TMEM255B: variants seen among roughly 807,000 people sequenced by gnomAD.
TMEM255B encodes family with sequence similarity 70, member B.
Under a neutral mutation model 34.5 loss-of-function variants are expected in TMEM255B, and 35 were observed. The ratio of observed to expected loss-of-function variants is 1.01; its 90% confidence interval spans 0.77 to 1.34. The LOEUF is 1.34. Among genes scored for constraint, TMEM255B ranks in the 40% most tolerant of loss-of-function variants. The pLI, the probability that TMEM255B is intolerant of heterozygous loss-of-function variation, is 0.00. For synonymous variants in TMEM255B, 206 were observed against 201.2 expected (o/e 1.02, Z -0.20); for missense variants, 432 against 433.2 (o/e 1.00, Z 0.02).
chr13:113,808,795 G>GGGT (rs1555302343), intron 8 of TMEM255B, among the ~76,000 whole-genome samples: 5 of 108,616 alleles, frequency 4.6e-5, no homozygotes, highest in East Asian at 2.9e-4. Context: ...TGGTTCCTGG[G>GGGT]GGGGGGGTTA....
intron 1 of TMEM255B, among the ~76,000 whole-genome samples, chr13:113,760,893 T>G (rs1455554754): frequency 3.3e-5 from 4 of 122,834 alleles, no homozygotes; most frequent in African/African-American, 9.3e-5. Context: ...TCTGCTTTGG[T>G]GTGTCTGGGG....
At chr13:113,773,858 T>G (rs182267826) in intron 3 of TMEM255B, among the ~76,000 whole-genome samples, 286 of 152,338 alleles carry the variant, frequency 1.9e-3, no homozygotes, top group Non-Finnish European at 3.5e-3. Context: ...AAAGCGGTGG[T>G]CATTGTTATA....
At chr13:113,774,277 G>A (rs1043398979) in intron 3 of TMEM255B, among the ~76,000 whole-genome samples, 7 of 152,222 alleles carry the variant, frequency 4.6e-5, no homozygotes, top group African/African-American at 1.2e-4. Context: ...GTTAGTCTCC[G>A]GTGACATCTG....
chr13:113,791,188 A>G (rs2050826934), intron 3 of TMEM255B, among the ~76,000 whole-genome samples: 1 of 152,178 alleles, frequency 6.6e-6, no homozygotes. Context: ...TCCTGGCTCC[A>G]TGGCATTCAT....
intron 2 of TMEM255B, chr13:113,768,132 C>T (rs915933434): frequency 2.0e-5 from 9 of 456,962 alleles, no homozygotes; most frequent in Admixed American, 7.1e-5. Flanking sequence ...CTGTGCCGGG[C>T]GGGCCACCCC....
intron 7 of TMEM255B, 34 bp from the exon 8 acceptor site, chr13:113,804,851 T>C (rs1251576797): frequency 1.3e-6 from 2 of 1,573,136 alleles, no homozygotes; most frequent in South Asian, 2.3e-5. Flanking sequence ...CACTAGGGGG[T>C]ACACGCCGAC....
rs1477568467 is a variant in TMEM255B at position 113,815,210 on chromosome 13, C to G, written c.*3307C>G. 1 of 152,188 alleles carries G rather than the reference C, an allele frequency of 6.6e-6. No individual in the cohort carries two copies. The highest frequency in any genetic ancestry group is 1.5e-5 in the Non-Finnish European group (1 of 68,140). The allele number at this position is 152,188 out of a possible 1,614,324, so 9.4% of individuals were successfully genotyped here. Reference sequence around the variant, plus strand: ...CTACTGAGTGGGGGAGGGACACAGTCCGTCCACATGGGGCCAACGGCCACA... The same window carrying G: ...CTACTGAGTGGGGGAGGGACACAGTGCGTCCACATGGGGCCAACGGCCACA... On this transcript the variant is annotated 3_prime_UTR_variant, in exon 9 of 9. Coordinates refer to ENST00000375353, the MANE Select transcript of TMEM255B (RefSeq NM_182614.4).
chr13:113,764,687 C>T (rs557171242), intron 1 of TMEM255B, among the ~76,000 whole-genome samples: 2 of 152,366 alleles, frequency 1.3e-5, no homozygotes, highest in East Asian at 3.9e-4. Context: ...CTCTGCCTCT[C>T]ACATGCGAGG....
rs114240044 is a variant in TMEM255B, at chr13:113,775,902, G to A, written c.252+6742G>A. Among the ~76,000 whole-genome samples, 1,037 of 152,342 alleles carry A rather than the reference G, an allele frequency of 6.8e-3. 11 individuals carry two copies. The highest frequency in any genetic ancestry group is 0.023 in the African/African-American group (977 of 41,586). On this transcript the variant is annotated intron_variant, in intron 3 of 8. Coordinates refer to ENST00000375353, the MANE Select transcript of TMEM255B (RefSeq NM_182614.4). ...CGCCCAGGGACCATGGGACCCCTGC[G>A]GCCCCACAGGTGGCTTGAGTCAGAC...
chr13:113,786,935 G>A (rs571973458), intron 3 of TMEM255B, among the ~76,000 whole-genome samples: 66 of 152,284 alleles, frequency 4.3e-4, no homozygotes, highest in African/African-American at 1.6e-3. Context: ...CCTGTTCCAG[G>A]CTCACTAGTT....
chr13:113,793,202 G>A (rs1237191432), intron 3 of TMEM255B, among the ~76,000 whole-genome samples: 12 of 152,202 alleles, frequency 7.9e-5, no homozygotes, highest in Admixed American at 2.6e-4. Context: ...TGGTGGCCAC[G>A]TCCCCCTCTG....
intron 1 of TMEM255B, among the ~76,000 whole-genome samples, chr13:113,760,138 C>G (rs2050274028): frequency 6.6e-6 from 1 of 152,190 alleles, no homozygotes; most frequent in Admixed American, 6.5e-5. Context: ...CTCTGCCGCT[C>G]CCTCAGAAAT....
At chr13:113,763,936 T>A (rs2050347640) in intron 1 of TMEM255B, among the ~76,000 whole-genome samples, 1 of 152,212 alleles carries the variant, frequency 6.6e-6, no homozygotes, top group African/African-American at 2.4e-5. Flanking sequence ...AGCGAGGGAC[T>A]GAGAGGCGGA....
chr13:113,800,829 C>T lies in TMEM255B; in HGVS notation c.426C>T (p.Val142=). The part of the protein sequence containing the change: ...GYLYDVYQTE[V]TCHSLDGKCQ... Reference sequence around the variant, plus strand: ...CTGACAAGGCCTCTCTGCCCCAGGTCACCTGTCACTCCCTGGACGGCAAGT... The same window carrying T: ...CTGACAAGGCCTCTCTGCCCCAGGTTACCTGTCACTCCCTGGACGGCAAGT... The change falls in exon 6 of 9, where the codon GTC becomes GTT. Residue 142 remains valine (V), a splice_region_variant and synonymous_variant. Coordinates refer to ENST00000375353, the MANE Select transcript of TMEM255B (RefSeq NM_182614.4). The T allele has an allele frequency of 1.2e-6, 2 of 1,605,356 alleles. No individual in the cohort carries two copies. The highest frequency in any genetic ancestry group is 2.7e-5 in the African/African-American group (2 of 74,938).
intron 1 of TMEM255B, chr13:113,761,446 G>A (rs1186962067): frequency 1.2e-6 from 1 of 806,988 alleles, no homozygotes; most frequent in African/African-American, 1.9e-5. Flanking sequence ...TGGGAGAAGT[G>A]GGGGCTGGTG....
chr13:113,773,430 T>C (rs2050508267), intron 3 of TMEM255B, among the ~76,000 whole-genome samples: 1 of 152,260 alleles, frequency 6.6e-6, no homozygotes, highest in East Asian at 1.9e-4. Context: ...GGACCATTTC[T>C]ATGGCTTCGG....
At chr13:113,793,634 G>A (rs2050869887) in intron 3 of TMEM255B, among the ~76,000 whole-genome samples, 2 of 152,234 alleles carry the variant, frequency 1.3e-5, no homozygotes, top group Admixed American at 1.3e-4. Flanking sequence ...AATGCAAGGT[G>A]GCATCGGTGA....
chr13:113,777,243 C>T (rs898740267), intron 3 of TMEM255B, among the ~76,000 whole-genome samples: 1 of 152,044 alleles, frequency 6.6e-6, no homozygotes, highest in Non-Finnish European at 1.5e-5. Context: ...ATCTCTGTCT[C>T]CCTCTAGCTC....
chr13:113,761,263 C>T, intron 1 of TMEM255B: 1 of 985,398 alleles, frequency 1.0e-6, no homozygotes, highest in Non-Finnish European at 1.2e-6. Context: ...TGCTTTGTGA[C>T]ATTCCCCTTC....
Sources: gnomAD v4.1 joint callset for allele counts (sites outside exome capture counted in the v4.1 genomes callset) on GRCh38, gnomAD v4.1.1 for gene constraint, MANE v1.5 for transcripts, NCBI Gene and HGNC (gene_info 2026-07-23, HGNC 2026-07-21) for gene names.